The following CADPS2 variants were observed in gnomAD, a reference collection of about 807,000 sequenced individuals.
The protein encoded by CADPS2 is calcium dependent secretion activator 2, also known as calcium-dependent secretion activator 2.
In CADPS2, 93 loss-of-function variants were observed where a neutral mutation model predicts 172.5. The ratio of observed to expected loss-of-function variants is 0.54; its 90% CI spans 0.46 to 0.64. The LOEUF (loss-of-function observed/expected upper bound fraction) is 0.64, where lower values mean the gene tolerates loss of function less well. CADPS2 is among the 30% of genes least tolerant of loss of function. The probability of loss-of-function intolerance (pLI) is 0.00; values close to 1 mark genes in which losing one functional copy is unlikely to be tolerated. For synonymous variants in CADPS2, 546 were observed against 555.2 expected, an observed-to-expected ratio of 0.98 and a Z score of 0.23; for missense variants, 1,420 against 1,565.9, an observed-to-expected ratio of 0.91 and a Z score of 1.57.
chr7:122,792,406 A>G (rs1795474350), intron 1 of CADPS2, among the ~76,000 whole-genome samples: 1 of 152,158 alleles, frequency 6.6e-6, no homozygotes, highest in Non-Finnish European at 1.5e-5. Context: ...TTATACTGAA[A>G]TAACAGCCAC....
At chr7:122,609,623 T>C (rs1444320498) in intron 6 of CADPS2, among the ~76,000 whole-genome samples, 1 of 152,202 alleles carries the variant, frequency 6.6e-6, no homozygotes, top group Non-Finnish European at 1.5e-5. Flanking sequence ...TGTCTATCAA[T>C]ACCATGTTTA....
chr7:122,539,771 C>CTG (rs1401536824), intron 8 of CADPS2, among the ~76,000 whole-genome samples: 40 of 78,560 alleles, frequency 5.1e-4, no homozygotes, highest in East Asian at 1.9e-3. Context: ...GTCTCTGTCT[C>CTG]TCTCTTTCTG....
intron 1 of CADPS2, among the ~76,000 whole-genome samples, chr7:122,757,275 T>C (rs1373051906): frequency 1.3e-5 from 2 of 152,026 alleles, no homozygotes; most frequent in African/African-American, 2.4e-5. Flanking sequence ...GCCTCCCAAA[T>C]AGCTGGGACT....
chr7:122,812,461 A>T (rs1800256190), intron 1 of CADPS2, among the ~76,000 whole-genome samples: 1 of 152,016 alleles, frequency 6.6e-6, no homozygotes, highest in African/African-American at 2.4e-5. Flanking sequence ...AGAAAGAAAA[A>T]AAGAAAGTAG....
intron 1 of CADPS2, among the ~76,000 whole-genome samples, chr7:122,794,911 T>C (rs898747529): frequency 6.6e-6 from 1 of 152,064 alleles, no homozygotes; most frequent in Non-Finnish European, 1.5e-5. Flanking sequence ...AAGAAGTTCT[T>C]TGAAACTAAT....
intron 1 of CADPS2, among the ~76,000 whole-genome samples, chr7:122,777,052 G>A (rs991288023): frequency 1.3e-5 from 2 of 152,162 alleles, no homozygotes; most frequent in Non-Finnish European, 2.9e-5. Context: ...TCACGAGGTT[G>A]AGGCAGAAAG....
chr7:122,749,722 C>T (rs565325654), intron 1 of CADPS2, among the ~76,000 whole-genome samples: 32 of 151,834 alleles, frequency 2.1e-4, no homozygotes, highest in African/African-American at 7.5e-4. Flanking sequence ...GGCAAAAATG[C>T]CATGCTAACT....
intron 20 of CADPS2, among the ~76,000 whole-genome samples, chr7:122,400,813 T>A (rs896025435): frequency 1.3e-5 from 2 of 152,370 alleles, no homozygotes; most frequent in East Asian, 3.9e-4. Context: ...GATGAACAGC[T>A]CATTTAAGCA....
intron 8 of CADPS2, among the ~76,000 whole-genome samples, chr7:122,523,225 C>T (rs2060951175): frequency 6.6e-6 from 1 of 152,028 alleles, no homozygotes; most frequent in Non-Finnish European, 1.5e-5. Flanking sequence ...ATATCTTCTC[C>T]AGCATTTTAC....
At chr7:122,338,570 A>ATAC (rs1352099073) in intron 28 of CADPS2, among the ~76,000 whole-genome samples, 1 of 152,248 alleles carries the variant, frequency 6.6e-6, no homozygotes, top group Non-Finnish European at 1.5e-5. Flanking sequence ...ATGGTTGGAC[A>ATAC]TACTGGTACA....
At chr7:122,857,173 C>A (rs544038772) in intron 1 of CADPS2, among the ~76,000 whole-genome samples, 20 of 152,178 alleles carry the variant, frequency 1.3e-4, no homozygotes, top group African/African-American at 4.6e-4. Flanking sequence ...GCATCATTAA[C>A]CGAGGAAAAT....
chr7:122,701,496 C>T (rs902295277), intron 2 of CADPS2, among the ~76,000 whole-genome samples: 15 of 151,704 alleles, frequency 9.9e-5, no homozygotes, highest in African/African-American at 2.4e-4. Context: ...TGTTAAATGA[C>T]GAGTTACTGG....
At chr7:122,414,148 A>G in intron 18 of CADPS2, 72 bp from the exon 19 acceptor site, 2 of 1,171,944 alleles carry the variant, frequency 1.7e-6, no homozygotes, top group South Asian at 1.8e-5. Flanking sequence ...ACATCTTTAA[A>G]AAAGGTCATC....
intron 2 of CADPS2, among the ~76,000 whole-genome samples, chr7:122,669,528 T>C (rs528414686): frequency 6.6e-6 from 1 of 151,890 alleles, no homozygotes; most frequent in South Asian, 2.1e-4. Context: ...GGAAGTGATG[T>C]ATTGAAAGGC....
intron 1 of CADPS2, among the ~76,000 whole-genome samples, chr7:122,802,664 C>A (rs1371581974): frequency 6.6e-6 from 1 of 152,226 alleles, no homozygotes; most frequent in African/African-American, 2.4e-5. Context: ...TCTCTCTTGT[C>A]ATTTCCAGAT....
At chr7:122,713,097 A>G (rs1432456807) in intron 2 of CADPS2, among the ~76,000 whole-genome samples, 1 of 152,144 alleles carries the variant, frequency 6.6e-6, no homozygotes, top group Non-Finnish European at 1.5e-5. Context: ...TATTTCATAC[A>G]ATGAAAAACA....
At chr7:122,829,338 A>G (rs1408260004) in intron 1 of CADPS2, among the ~76,000 whole-genome samples, 1 of 152,236 alleles carries the variant, frequency 6.6e-6, no homozygotes, top group Non-Finnish European at 1.5e-5. Context: ...AGGATGAAGC[A>G]GAGAATCCAA....
chr7:122,701,382 T>A (rs192419960), intron 2 of CADPS2, among the ~76,000 whole-genome samples: 4 of 151,970 alleles, frequency 2.6e-5, no homozygotes, highest in African/African-American at 9.7e-5. Flanking sequence ...TAGGTGGGAA[T>A]TGAACAATGA....
chr7:122,843,683 C>A (rs1811207393), intron 1 of CADPS2, among the ~76,000 whole-genome samples: 1 of 152,072 alleles, frequency 6.6e-6, no homozygotes, highest in African/African-American at 2.4e-5. Context: ...ACAAGAGAGA[C>A]TGGGGAATGC....
Sources: gnomAD v4.1 joint callset for allele counts (sites outside exome capture counted in the v4.1 genomes callset) on GRCh38, gnomAD v4.1.1 for gene constraint, MANE v1.5 for transcripts, NCBI Gene and HGNC (gene_info 2026-07-23, HGNC 2026-07-21) for gene names.